Variants in HS3ST4 observed in about 807,000 individuals in gnomAD.
The protein encoded by HS3ST4 is heparan sulfate glucosamine 3-O-sulfotransferase 4.
Under a neutral mutation model 29.2 loss-of-function variants are expected in HS3ST4, and 17 were observed. That is an observed-to-expected ratio of 0.58 (90% CI 0.40 to 0.87). The LOEUF is 0.87. Ranked by LOEUF, HS3ST4 falls within the 40% of genes least tolerant of loss-of-function variation. The pLI is 0.00. For missense variants in HS3ST4, 627 were observed against 634.5 expected (o/e 0.99, Z 0.13); for synonymous variants, 314 against 285.7 (o/e 1.10, Z -1.00).
At chr16:26,032,481 A>G (rs561644212) in intron 1 of HS3ST4, 35 of 1,091,478 alleles carry the variant, frequency 3.2e-5, no homozygotes, top group Non-Finnish European at 4.7e-5. Context: ...TTGATAAAAA[A>G]TAGTATTCCA....
chr16:25,964,160 A>T (rs911547007), intron 1 of HS3ST4, among the ~76,000 whole-genome samples: 1 of 147,258 alleles, frequency 6.8e-6, no homozygotes, highest in African/African-American at 2.5e-5. Flanking sequence ...GAGTGACAAG[A>T]TTGAAACTCC....
At chr16:25,865,734 C>G (rs1967687359) in intron 1 of HS3ST4, among the ~76,000 whole-genome samples, 1 of 152,152 alleles carries the variant, frequency 6.6e-6, no homozygotes. Flanking sequence ...AGGACAGCCT[C>G]TTCATTGCAT....
At chr16:25,725,853 T>G (rs1004871768) in intron 1 of HS3ST4, among the ~76,000 whole-genome samples, 1 of 152,020 alleles carries the variant, frequency 6.6e-6, no homozygotes, top group Admixed American at 6.6e-5. Context: ...AGTTTTTAAC[T>G]ATGTTTTCCA....
chr16:26,129,242 T>C (rs1043959082), intron 1 of HS3ST4, among the ~76,000 whole-genome samples: 1 of 152,250 alleles, frequency 6.6e-6, no homozygotes, highest in Non-Finnish European at 1.5e-5. Flanking sequence ...AAGTCAGGGA[T>C]AGCTCAGCTT....
At chr16:25,928,678 T>C (rs1968434140) in intron 1 of HS3ST4, among the ~76,000 whole-genome samples, 1 of 152,306 alleles carries the variant, frequency 6.6e-6, no homozygotes, top group East Asian at 1.9e-4. Flanking sequence ...TTGCCGTATG[T>C]TTTGAAAGGT....
At chr16:25,693,432 CA>C (rs1395569314) in intron 1 of HS3ST4, among the ~76,000 whole-genome samples, 1 of 152,194 alleles carries the variant, frequency 6.6e-6, no homozygotes, top group Non-Finnish European at 1.5e-5. Flanking sequence ...TGCCCAGCTC[CA>C]AGCCTGGGAA....
In HS3ST4 at chr16:25,850,062, T is replaced by C. The variant is rs557848985; in HGVS notation, c.734+156911T>C. Among the ~76,000 whole-genome samples the C allele has an allele frequency of 2.8e-3, 414 of 150,292 alleles. 1 individual carries two copies. The highest frequency in any genetic ancestry group is 9.3e-3 in the African/African-American group (382 of 40,898). ...TTGCCCAGGCTGGAGTGCAATGGTG[T>C]GATCTTGGCTCACTGCAACCTCCGC... On this transcript the variant is annotated intron_variant, in intron 1 of 1. Coordinates refer to ENST00000331351, the MANE Select transcript of HS3ST4 (RefSeq NM_006040.3).
At chr16:26,109,067 T>A (rs1899093791) in intron 1 of HS3ST4, among the ~76,000 whole-genome samples, 3 of 152,084 alleles carry the variant, frequency 2.0e-5, no homozygotes, top group Admixed American at 2.0e-4. Flanking sequence ...AAGTGTGGGA[T>A]GAAACCAGAA....
At chr16:25,915,734 G>T (rs1968287326) in intron 1 of HS3ST4, among the ~76,000 whole-genome samples, 1 of 152,206 alleles carries the variant, frequency 6.6e-6, no homozygotes, top group South Asian at 2.1e-4. Flanking sequence ...GAGCAAGAAA[G>T]CTTACACCTC....
intron 1 of HS3ST4, among the ~76,000 whole-genome samples, chr16:26,079,537 T>C (rs1205301565): frequency 6.6e-6 from 1 of 152,246 alleles, no homozygotes; most frequent in East Asian, 1.9e-4. Context: ...GTATGCATTA[T>C]GCCATTTAAA....
chr16:25,962,752 C>G (rs1173446505), intron 1 of HS3ST4, among the ~76,000 whole-genome samples: 2 of 152,156 alleles, frequency 1.3e-5, no homozygotes, highest in Non-Finnish European at 2.9e-5. Context: ...TATTCTGTTC[C>G]ATTCGGAATA....
intron 1 of HS3ST4, among the ~76,000 whole-genome samples, chr16:25,913,220 A>T (rs1357852217): frequency 1.3e-5 from 2 of 152,226 alleles, no homozygotes; most frequent in African/African-American, 2.4e-5. Context: ...CTGTGGCTGA[A>T]TGTTTGTGTT....
intron 1 of HS3ST4, among the ~76,000 whole-genome samples, chr16:25,980,764 A>G (rs747303316): frequency 1.3e-5 from 2 of 152,072 alleles, no homozygotes; most frequent in Non-Finnish European, 2.9e-5. Flanking sequence ...AGATGCTTAC[A>G]CTCACAGATC....
intron 1 of HS3ST4, among the ~76,000 whole-genome samples, chr16:25,865,542 A>G (rs1166752585): frequency 6.6e-6 from 1 of 152,220 alleles, no homozygotes; most frequent in African/African-American, 2.4e-5. Context: ...GAACAGAGCT[A>G]GAGGCATCAC....
intron 1 of HS3ST4, among the ~76,000 whole-genome samples, chr16:25,803,060 T>C (rs899346299): frequency 1.3e-5 from 2 of 151,970 alleles, no homozygotes; most frequent in East Asian, 3.9e-4. Context: ...TATAGTTTTA[T>C]GTATATGTAT....
chr16:26,025,315 AG>A (rs1969457928), intron 1 of HS3ST4: 1 of 154,428 alleles, frequency 6.5e-6, no homozygotes, highest in Non-Finnish European at 1.5e-5. Flanking sequence ...CCAATCTAAT[AG>A]GTTGATTGCC....
intron 1 of HS3ST4, among the ~76,000 whole-genome samples, chr16:26,000,634 G>C (rs868603123): frequency 1.3e-5 from 2 of 152,122 alleles, no homozygotes; most frequent in African/African-American, 4.8e-5. Context: ...TCATAGGAAT[G>C]GTTATTGGAC....
chr16:25,694,342 T>C (rs1251716529), intron 1 of HS3ST4, among the ~76,000 whole-genome samples: 1 of 152,260 alleles, frequency 6.6e-6, no homozygotes, highest in Non-Finnish European at 1.5e-5. Context: ...AATAAATGTG[T>C]GCATTATGAT....
At chr16:26,018,562 C>A (rs759018709) in intron 1 of HS3ST4, among the ~76,000 whole-genome samples, 2 of 152,110 alleles carry the variant, frequency 1.3e-5, no homozygotes, top group African/African-American at 2.4e-5. Flanking sequence ...TTGTTTTACA[C>A]ATGAGAAAAC....
Sources: gnomAD v4.1 joint callset for allele counts (sites outside exome capture counted in the v4.1 genomes callset) on GRCh38, gnomAD v4.1.1 for gene constraint, MANE v1.5 for transcripts, NCBI Gene and HGNC (gene_info 2026-07-23, HGNC 2026-07-21) for gene names.